The following VTI1A variants were observed in gnomAD, a reference collection of about 807,000 sequenced individuals.
VTI1A encodes vesicle transport through interaction with t-SNAREs homolog 1A.
A neutral mutation model predicts 34.9 loss-of-function variants in VTI1A; 22 were observed. That is an observed-to-expected ratio of 0.63 (90% CI 0.45 to 0.90). VTI1A has a LOEUF of 0.90. Ranked by LOEUF, VTI1A falls within the 40% of genes least tolerant of loss-of-function variation. VTI1A has a pLI of 0.00. For missense variants in VTI1A, 268 were observed against 275.6 expected, an observed-to-expected ratio of 0.97 and a Z score of 0.20; for synonymous variants, 87 against 97.3, an observed-to-expected ratio of 0.89 and a Z score of 0.62.
At chr10:112,799,528 C>T (rs1278042800) in intron 7 of VTI1A, among the ~76,000 whole-genome samples, 1 of 152,188 alleles carries the variant, frequency 6.6e-6, no homozygotes, top group Non-Finnish European at 1.5e-5. Context: ...GTCCCTGCCC[C>T]TGATGCCTAC....
At chr10:112,635,666 G>C (rs1846327318) in intron 5 of VTI1A, among the ~76,000 whole-genome samples, 2 of 152,174 alleles carry the variant, frequency 1.3e-5, no homozygotes, top group South Asian at 4.1e-4. Context: ...ACAACAGTAG[G>C]AATGGAAAAG....
chr10:112,561,926 C>A (rs1851736341), intron 5 of VTI1A, among the ~76,000 whole-genome samples: 1 of 152,086 alleles, frequency 6.6e-6, no homozygotes, highest in Non-Finnish European at 1.5e-5. Context: ...ACATTTCACT[C>A]CCCCAAAATT....
chr10:112,685,312 T>C (rs1472245135), intron 7 of VTI1A, among the ~76,000 whole-genome samples: 2 of 152,226 alleles, frequency 1.3e-5, no homozygotes, highest in Non-Finnish European at 2.9e-5. Flanking sequence ...ATGTTTGTCA[T>C]GTTTTAAAAA....
chr10:112,577,318 C>T (rs1313349947), intron 5 of VTI1A, among the ~76,000 whole-genome samples: 2 of 152,166 alleles, frequency 1.3e-5, no homozygotes, highest in South Asian at 2.1e-4. Flanking sequence ...TATCAACCAA[C>T]TTTAAAGCAA....
intron 5 of VTI1A, among the ~76,000 whole-genome samples, chr10:112,627,158 A>G (rs1845952576): frequency 1.3e-5 from 2 of 152,210 alleles, no homozygotes; most frequent in South Asian, 4.1e-4. Context: ...AAAAAATAAA[A>G]ATTCCTCCTA....
At chr10:112,481,403 G>A (rs1297269482) in intron 3 of VTI1A, among the ~76,000 whole-genome samples, 1 of 152,146 alleles carries the variant, frequency 6.6e-6, no homozygotes, top group East Asian at 1.9e-4. Flanking sequence ...ATAGCATACG[G>A]ACTGTCTCTT....
At chr10:112,801,523 C>T (rs942676880) in intron 7 of VTI1A, among the ~76,000 whole-genome samples, 1 of 152,192 alleles carries the variant, frequency 6.6e-6, no homozygotes, top group Non-Finnish European at 1.5e-5. Context: ...CCCAGATTCG[C>T]ACAGTGAGTC....
intron 5 of VTI1A, among the ~76,000 whole-genome samples, chr10:112,556,737 A>T (rs570015756): frequency 7.2e-5 from 11 of 151,926 alleles, no homozygotes; most frequent in East Asian, 1.9e-4. Context: ...GTAAAAGAAA[A>T]TTTTTTTTGT....
At position 112,447,271 on chromosome 10, in the gene VTI1A, G is replaced by T; in HGVS notation, c.-103G>T. The T allele has an allele frequency of 2.3e-6, 3 of 1,280,524 alleles. No individual in the cohort carries two copies. The highest frequency in any genetic ancestry group is 3.3e-6 in the Non-Finnish European group (3 of 919,374). The allele number at this position is 1,280,524 out of a possible 1,614,324, so 79.3% of individuals were successfully genotyped here. Reference sequence around the variant, plus strand: ...GTCCCCGGTTCTCCGTTCTGCTCTCGGGGGCACCTTCCGGGGTTCCTAAGC... The same window carrying T: ...GTCCCCGGTTCTCCGTTCTGCTCTCTGGGGCACCTTCCGGGGTTCCTAAGC... On this transcript the variant is annotated 5_prime_UTR_variant, in exon 1 of 8. Coordinates refer to ENST00000393077, the MANE Select transcript of VTI1A (RefSeq NM_145206.4).
chr10:112,737,788 C>A (rs924951202), intron 7 of VTI1A: 14 of 1,058,678 alleles, frequency 1.3e-5, no homozygotes, highest in Non-Finnish European at 1.6e-5. Flanking sequence ...AAAAAAATTA[C>A]AAATTGATGA....
At chr10:112,794,359 C>T (rs757960210) in intron 7 of VTI1A, among the ~76,000 whole-genome samples, 9 of 151,978 alleles carry the variant, frequency 5.9e-5, no homozygotes, top group South Asian at 4.2e-4. Context: ...AGTTCGAGAC[C>T]GGCCTGGACA....
chr10:112,555,612 A>G lies in VTI1A; in HGVS notation c.427+17282A>G, dbSNP rs147969293. 3.3e-3 allele frequency among the ~76,000 whole-genome samples: 498 copies of G among 152,174 alleles called. 4 individuals are homozygous for G. The highest frequency in any genetic ancestry group is 0.012 in the African/African-American group (486 of 41,558). On this transcript the variant is annotated intron_variant, in intron 5 of 7. Coordinates refer to ENST00000393077, the MANE Select transcript of VTI1A (RefSeq NM_145206.4). ...GAATCCAGATTTGTTGACCCTTGAG[A>G]TCTTATATTGACCTTAGTAGGTGTT...
At chr10:112,853,019 C>T in the VTI1A span, among the ~76,000 whole-genome samples, 371 of 152,230 alleles carry the variant, frequency 2.4e-3, no homozygotes, top group Non-Finnish European at 3.2e-3. Flanking sequence ...CTCCAGACCT[C>T]GTGATCCACC....
At chr10:112,747,126 T>A (rs1850925257) in intron 7 of VTI1A, among the ~76,000 whole-genome samples, 1 of 152,258 alleles carries the variant, frequency 6.6e-6, no homozygotes, top group Admixed American at 6.5e-5. Context: ...GAGGTCCATC[T>A]GAATCTTATT....
At chr10:112,456,605 T>C (rs1240111891) in intron 1 of VTI1A, among the ~76,000 whole-genome samples, 5 of 152,140 alleles carry the variant, frequency 3.3e-5, no homozygotes, top group African/African-American at 1.2e-4. Flanking sequence ...TATAAGAGGT[T>C]GCAATAAATG....
chr10:112,545,987 T>C (rs112334048), intron 5 of VTI1A, among the ~76,000 whole-genome samples: 7,521 of 142,246 alleles, frequency 0.053, 330 homozygotes, highest in Non-Finnish European at 0.074. Context: ...TATGTGTGTG[T>C]ATATACGTGT....
intron 5 of VTI1A, among the ~76,000 whole-genome samples, chr10:112,594,468 A>G (rs1200516920): frequency 6.6e-6 from 1 of 152,122 alleles, no homozygotes; most frequent in African/African-American, 2.4e-5. Context: ...GCAAAGTCTC[A>G]GGATACAAAA....
chr10:112,565,137 T>C (rs1187811214), intron 5 of VTI1A, among the ~76,000 whole-genome samples: 3 of 152,158 alleles, frequency 2.0e-5, no homozygotes, highest in African/African-American at 7.2e-5. Flanking sequence ...TATTTAGCCT[T>C]CCTATCACTT....
chr10:112,494,388 A>T (rs374928179), intron 3 of VTI1A, among the ~76,000 whole-genome samples: 2 of 150,862 alleles, frequency 1.3e-5, no homozygotes, highest in East Asian at 3.9e-4. Flanking sequence ...GTTGATTTTG[A>T]CTCTGATTTT....
Sources: gnomAD v4.1 joint callset for allele counts (sites outside exome capture counted in the v4.1 genomes callset) on GRCh38, gnomAD v4.1.1 for gene constraint, MANE v1.5 for transcripts, NCBI Gene and HGNC (gene_info 2026-07-23, HGNC 2026-07-21) for gene names.